The following NRXN3 variants were observed in gnomAD, a reference collection of about 807,000 sequenced individuals.
NRXN3 encodes the protein neurexin III.
In NRXN3, 32 loss-of-function variants were observed where a neutral mutation model predicts 137.6. That is an observed-to-expected ratio of 0.23 (90% confidence interval 0.18 to 0.31). The LOEUF is 0.31. Ranked by LOEUF, NRXN3 falls within the 10% of genes least tolerant of loss-of-function variation. The probability of loss-of-function intolerance (pLI) is 1.00; values close to 1 mark genes in which losing one functional copy is unlikely to be tolerated. For synonymous variants in NRXN3, 798 were observed against 784.5 expected, an observed-to-expected ratio of 1.02 and a Z score of -0.29; for missense variants, 1,574 against 2,062.5, an observed-to-expected ratio of 0.76 and a Z score of 4.59.
intron 15 of NRXN3, among the ~76,000 whole-genome samples, chr14:79,310,057 T>C (rs913452689): frequency 8.4e-5 from 11 of 131,256 alleles, no homozygotes; most frequent in South Asian, 2.9e-4. Context: ...AAGGTTTTTA[T>C]GGTTTTAGGT....
chr14:79,073,844 G>A (rs1242355851), intron 15 of NRXN3, among the ~76,000 whole-genome samples: 2 of 152,156 alleles, frequency 1.3e-5, no homozygotes, highest in Admixed American at 1.3e-4. Context: ...CAGACTGCCT[G>A]TGCTCAAATT....
At chr14:78,519,305 A>G (rs2096254453) in intron 4 of NRXN3, among the ~76,000 whole-genome samples, 1 of 152,152 alleles carries the variant, frequency 6.6e-6, no homozygotes, top group Admixed American at 6.5e-5. Context: ...TTGGGCTCTG[A>G]TAAGTATGTA....
intron 16 of NRXN3, among the ~76,000 whole-genome samples, chr14:79,498,113 C>T (rs562976165): frequency 1.4e-3 from 212 of 152,186 alleles, no homozygotes; most frequent in African/African-American, 4.9e-3. Context: ...ATCTGAGCGT[C>T]GGAATTATAC....
chr14:79,386,701 A>C (rs2094630097), intron 15 of NRXN3, among the ~76,000 whole-genome samples: 2 of 152,296 alleles, frequency 1.3e-5, no homozygotes, highest in Admixed American at 6.5e-5. Flanking sequence ...ACTTCAAACT[A>C]TACTACAAGG....
At chr14:79,767,698 A>T (rs952335612) in intron 19 of NRXN3, among the ~76,000 whole-genome samples, 1 of 152,242 alleles carries the variant, frequency 6.6e-6, no homozygotes, top group Admixed American at 6.5e-5. Flanking sequence ...TGAGGAATAA[A>T]AAAAGTAAGT....
chr14:79,672,258 T>A (rs2098612109), intron 17 of NRXN3, among the ~76,000 whole-genome samples: 1 of 152,176 alleles, frequency 6.6e-6, no homozygotes, highest in South Asian at 2.1e-4. Flanking sequence ...GCACATCATA[T>A]TTATTTAGCC....
chr14:79,437,610 A>G (rs1304842002), intron 15 of NRXN3, among the ~76,000 whole-genome samples: 2 of 152,192 alleles, frequency 1.3e-5, no homozygotes, highest in African/African-American at 4.8e-5. Context: ...GCAGCTACGG[A>G]AGAGAACAGA....
chr14:79,320,437 G>T (rs1383642893), intron 15 of NRXN3, among the ~76,000 whole-genome samples: 4 of 152,110 alleles, frequency 2.6e-5, no homozygotes, highest in African/African-American at 9.7e-5. Context: ...GGTATATGAA[G>T]CTCATGATGA....
chr14:79,760,478 T>G (rs1476646722), intron 19 of NRXN3, among the ~76,000 whole-genome samples: 3 of 150,474 alleles, frequency 2.0e-5, no homozygotes, highest in Admixed American at 1.3e-4. Context: ...GCCCGTGGTA[T>G]TCTCTTTAAA....
intron 20 of NRXN3, among the ~76,000 whole-genome samples, chr14:79,828,046 G>C (rs1332756889): frequency 6.6e-6 from 1 of 152,056 alleles, no homozygotes; most frequent in African/African-American, 2.4e-5. Context: ...ACAGCACCAA[G>C]CCACAAGAGA....
chr14:78,813,907 T>G (rs2098923097), intron 10 of NRXN3, among the ~76,000 whole-genome samples: 1 of 152,222 alleles, frequency 6.6e-6, no homozygotes, highest in Non-Finnish European at 1.5e-5. Flanking sequence ...ATGGCCCAGT[T>G]CCATGCCAAG....
intron 15 of NRXN3, among the ~76,000 whole-genome samples, chr14:79,303,250 T>G (rs2085451035): frequency 1.3e-5 from 2 of 152,188 alleles, no homozygotes; most frequent in South Asian, 2.1e-4. Context: ...TTGGAAAGTC[T>G]TCTTAGTTAC....
At chr14:78,549,371 A>C (rs112720060) in intron 4 of NRXN3, among the ~76,000 whole-genome samples, 1 of 151,942 alleles carries the variant, frequency 6.6e-6, no homozygotes, top group Non-Finnish European at 1.5e-5. Context: ...TGTTCACTTG[A>C]TTACTCTTAG....
chr14:78,454,885 G>A (rs987542265), intron 4 of NRXN3, among the ~76,000 whole-genome samples: 1 of 152,178 alleles, frequency 6.6e-6, no homozygotes, highest in Non-Finnish European at 1.5e-5. Flanking sequence ...GGAAAGCGGA[G>A]CAAGGACTGG....
intron 19 of NRXN3, among the ~76,000 whole-genome samples, chr14:79,717,591 G>A (rs1209435570): frequency 6.6e-6 from 1 of 152,118 alleles, no homozygotes; most frequent in East Asian, 1.9e-4. Flanking sequence ...TATATGAAAT[G>A]TTTGCACTTT....
In NRXN3 at chr14:78,657,066, A is replaced by G. The variant is rs867375085; in HGVS notation, c.1221+5740A>G. The stretch of plus-strand genomic sequence containing the variant: ...CGTCTCAAAAAAAAAAAAAAAAAAA[A>G]AAAAAAAAAGAAAAGGTGGTCCCCT... On this transcript the variant is annotated intron_variant, in intron 6 of 20. Coordinates refer to ENST00000335750, the MANE Select transcript of NRXN3 (RefSeq NM_001330195.2). Among the ~76,000 whole-genome samples, 117 of 151,176 alleles carry G rather than the reference A, an allele frequency of 7.7e-4. 3 individuals carry two copies. The South Asian group carries it at 0.024, about 30-fold the overall frequency.
chr14:78,226,579 A>C (rs534274650), intron 1 of NRXN3, among the ~76,000 whole-genome samples: 1 of 152,258 alleles, frequency 6.6e-6, no homozygotes, highest in Non-Finnish European at 1.5e-5. Context: ...TGGGAAAACT[A>C]ATGCAAAATT....
chr14:79,799,919 A>G (rs940587650), intron 19 of NRXN3, among the ~76,000 whole-genome samples: 4 of 152,212 alleles, frequency 2.6e-5, no homozygotes, highest in African/African-American at 9.7e-5. Flanking sequence ...TATAACTGTT[A>G]AAGTGCTTGA....
At chr14:79,232,254 G>A (rs187661985) in intron 15 of NRXN3, among the ~76,000 whole-genome samples, 26 of 152,036 alleles carry the variant, frequency 1.7e-4, no homozygotes, top group Admixed American at 5.9e-4. Context: ...GTGTGTGTGC[G>A]CGCGCACGTG....
Sources: gnomAD v4.1 joint callset for allele counts (sites outside exome capture counted in the v4.1 genomes callset) on GRCh38, gnomAD v4.1.1 for gene constraint, MANE v1.5 for transcripts, NCBI Gene and HGNC (gene_info 2026-07-23, HGNC 2026-07-21) for gene names.